The following ARHGAP32 variants were observed in gnomAD, a reference collection of about 807,000 sequenced individuals.
ARHGAP32 encodes rho GTPase-activating protein 32.
A neutral mutation model predicts 186.5 loss-of-function variants in ARHGAP32; 51 were observed. The ratio of observed to expected loss-of-function variants is 0.27; its 90% confidence interval spans 0.22 to 0.35. The LOEUF (loss-of-function observed/expected upper bound fraction) is 0.35. Among genes scored for constraint, ARHGAP32 ranks in the 10% least tolerant of loss-of-function variants. ARHGAP32 has a pLI of 1.00. For synonymous variants in ARHGAP32, 950 were observed against 964.3 expected (o/e 0.99, Z 0.27); for missense variants, 2,186 against 2,623.5 (o/e 0.83, Z 3.64).
intron 2 of ARHGAP32, among the ~76,000 whole-genome samples, chr11:129,159,584 C>A (rs894902879): frequency 3.3e-5 from 5 of 151,760 alleles, no homozygotes; most frequent in Non-Finnish European, 5.9e-5. Context: ...TAATAGCCTA[C>A]CTACCAAAAA....
intron 1 of ARHGAP32, among the ~76,000 whole-genome samples, chr11:129,191,312 T>TTA: frequency 6.6e-6 from 1 of 151,948 alleles, no homozygotes; most frequent in East Asian, 1.9e-4. Flanking sequence ...AGGTATTACA[T>TTA]CGCTAACTCT....
chr11:129,190,527 C>T (rs1461063341), intron 1 of ARHGAP32, among the ~76,000 whole-genome samples: 1 of 152,200 alleles, frequency 6.6e-6, no homozygotes, highest in Non-Finnish European at 1.5e-5. Flanking sequence ...AGTGAAAATG[C>T]TGTCACATAC....
At chr11:129,157,260 G>A (rs1943429798) in intron 2 of ARHGAP32, among the ~76,000 whole-genome samples, 1 of 152,032 alleles carries the variant, frequency 6.6e-6, no homozygotes. Flanking sequence ...GCTTCAGAAG[G>A]TGGGTAATAA....
In ARHGAP32 at chr11:129,123,369, G is replaced by T; in HGVS notation, c.444+77C>A. The T allele has an allele frequency of 1.7e-6, 2 of 1,194,930 alleles. No individual in the cohort carries two copies. The highest frequency in any genetic ancestry group is 1.3e-5 in the South Asian group (1 of 74,566). The allele number at this position is 1,194,930 out of a possible 1,614,324, so 74.0% of individuals were successfully genotyped here. The stretch of plus-strand genomic sequence containing the variant: ...TTCAAAGTGTCATCTATTAGATACA[G>T]ATATATAGATAAGCATCTAGATATA... On this transcript the variant is annotated intron_variant, in intron 5 of 22. Coordinates refer to ENST00000682385, the MANE Select transcript of ARHGAP32 (RefSeq NM_001378024.1). The surrounding 1 kb of genome is among the most constrained non-coding windows in gnomAD (Gnocchi z 4.6).
At chr11:129,235,360 G>C (rs6590369) in intron 1 of ARHGAP32, among the ~76,000 whole-genome samples, 1 of 151,778 alleles carries the variant, frequency 6.6e-6, no homozygotes, top group Non-Finnish European at 1.5e-5. Context: ...ACATTTACTG[G>C]GCTCCTCCCT....
chr11:128,988,799 T>G (rs1273061138), intron 12 of ARHGAP32, among the ~76,000 whole-genome samples: 1 of 152,214 alleles, frequency 6.6e-6, no homozygotes, highest in African/African-American at 2.4e-5. Context: ...GTTAGCTCTA[T>G]GAATATACAC....
In ARHGAP32 at chr11:128,986,059, T is replaced by A. The variant is rs1393375662; in HGVS notation, c.1470A>T (p.Glu490Asp). Reference protein sequence around the residue: ...FSDAVSAATDEERLIKIHDVI... With the variant: ...FSDAVSAATDDERLIKIHDVI... ...CATCGTGGATTTTTATCAGCCTTTCTTCATCTGTTGCTGCTGAAACTGCAT... is the reference window on the plus strand; with the variant it reads ...CATCGTGGATTTTTATCAGCCTTTCATCATCTGTTGCTGCTGAAACTGCAT... The change falls in exon 15 of 23, where the codon GAA becomes GAT. Residue 490 changes from glutamate to aspartate, a missense_variant. Around this residue, in one of 5 missense-constraint regions of ARHGAP32, gnomAD observed 308 missense variants for 596.5 expected, o/e 0.52. Coordinates refer to ENST00000682385, the MANE Select transcript of ARHGAP32 (RefSeq NM_001378024.1). The A allele has an allele frequency of 6.2e-7, 1 of 1,607,408 alleles. No individual in the cohort carries two copies. The highest frequency in any genetic ancestry group is 8.5e-7 in the Non-Finnish European group (1 of 1,178,022).
chr11:129,273,373 T>C (rs1298825905), intron 1 of ARHGAP32, among the ~76,000 whole-genome samples: 3 of 152,170 alleles, frequency 2.0e-5, no homozygotes, highest in Non-Finnish European at 4.4e-5. Context: ...CTATTCCTAC[T>C]TAATCTGGAG....
In ARHGAP32 at chr11:129,017,251, C is replaced by T. The variant is rs112535469; in HGVS notation, c.1046-18783G>A. ...CGGGCAGATCACAAGGTCAGGAGTT[C>T]GAGACCAGCCTGGCCAACATGGCGA... On this transcript the variant is annotated intron_variant, in intron 11 of 22. Transcript: ENST00000682385. Among the ~76,000 whole-genome samples the T allele has an allele frequency of 1.4e-4, 21 of 152,118 alleles. 1 individual carries two copies. The highest frequency in any genetic ancestry group is 4.8e-4 in the African/African-American group (20 of 41,526).
At chr11:129,055,749 G>C (rs1458645067) in intron 10 of ARHGAP32, among the ~76,000 whole-genome samples, 1 of 152,186 alleles carries the variant, frequency 6.6e-6, no homozygotes, top group Non-Finnish European at 1.5e-5. Context: ...AAAGATCACA[G>C]GTTGTGAAGG....
At chr11:129,180,761 A>T (rs189045227) in intron 1 of ARHGAP32, among the ~76,000 whole-genome samples, 130 of 152,276 alleles carry the variant, frequency 8.5e-4, no homozygotes, top group Non-Finnish European at 1.7e-3. Flanking sequence ...TGTATTTTTT[A>T]CCAGAGTTTT....
At chr11:129,025,004 TTTACATATTTTC>T (rs1938773063) in intron 11 of ARHGAP32, among the ~76,000 whole-genome samples, 2 of 152,168 alleles carry the variant, frequency 1.3e-5, no homozygotes, top group South Asian at 4.1e-4. Context: ...TTGGAAAATA[TTTACATATTTTC>T]CATTCCAATG....
At chr11:129,033,552 A>T (rs1939341) in intron 11 of ARHGAP32, among the ~76,000 whole-genome samples, 7 of 152,024 alleles carry the variant, frequency 4.6e-5, no homozygotes, top group Admixed American at 6.5e-5. Flanking sequence ...CCCACACTGT[A>T]ATCTGCCCTT....
At position 129,123,207 on chromosome 11, in the gene ARHGAP32, A is replaced by G. The variant is rs1323027622; in HGVS notation, c.444+239T>C. Among the ~76,000 whole-genome samples, 2 of 152,124 alleles carry G rather than the reference A, an allele frequency of 1.3e-5. No individual in the cohort carries two copies. Among genetic ancestry groups the G allele is most frequent in the Non-Finnish European group, 2.9e-5 (2 of 67,984 alleles). On this transcript the variant is annotated intron_variant, in intron 5 of 22. Coordinates refer to ENST00000682385, the MANE Select transcript of ARHGAP32 (RefSeq NM_001378024.1). This position sits in a 1 kb window ranked among gnomAD's most constrained non-coding sequence, Gnocchi z 4.6. ...ATGATACAGGAAAACGGAGGGGGACAGGACTGATTTTCCTTAACTGATACA... is the reference window on the plus strand; with the variant it reads ...ATGATACAGGAAAACGGAGGGGGACGGGACTGATTTTCCTTAACTGATACA...
intron 21 of ARHGAP32, 25 bp from the exon 22 acceptor site, chr11:128,973,457 T>C (rs778852675): frequency 1.2e-6 from 2 of 1,607,412 alleles, no homozygotes; most frequent in East Asian, 2.2e-5. Context: ...GGAAAAAAAA[T>C]GAGAGTGAAA....
chr11:129,174,164 C>A lies in ARHGAP32; in HGVS notation c.117-9737G>T, dbSNP rs1943842109. ...GGGTCAGGGAGTTCCCTTTCCTAGTCAAAGAAAGGGGTGACAGACGGCACC... is the reference window on the plus strand; with the variant it reads ...GGGTCAGGGAGTTCCCTTTCCTAGTAAAAGAAAGGGGTGACAGACGGCACC... On this transcript the variant is annotated intron_variant, in intron 1 of 22. Coordinates refer to ENST00000682385, the MANE Select transcript of ARHGAP32 (RefSeq NM_001378024.1). Among the ~76,000 whole-genome samples the A allele has an allele frequency of 2.0e-5, 3 of 152,192 alleles. No homozygotes were observed. In the South Asian group the frequency reaches 6.2e-4, roughly 31 times the overall value.
At chr11:129,052,341 C>T (rs1380970652) in intron 10 of ARHGAP32, among the ~76,000 whole-genome samples, 1 of 152,176 alleles carries the variant, frequency 6.6e-6, no homozygotes, top group Non-Finnish European at 1.5e-5. Flanking sequence ...AGTGTTAGTT[C>T]TCCAACTTTG....
intron 5 of ARHGAP32, among the ~76,000 whole-genome samples, chr11:129,109,437 T>C (rs1942143696): frequency 6.6e-6 from 1 of 152,084 alleles, no homozygotes. Flanking sequence ...TAGATACATA[T>C]GCAGTAGTGT....
At chr11:129,029,525 C>T (rs547470063) in intron 11 of ARHGAP32, among the ~76,000 whole-genome samples, 2 of 152,154 alleles carry the variant, frequency 1.3e-5, no homozygotes, top group South Asian at 4.2e-4. Flanking sequence ...GGGTAGGGGC[C>T]GGGCACGGTG....
Sources: gnomAD v4.1 joint callset for allele counts (sites outside exome capture counted in the v4.1 genomes callset) on GRCh38, gnomAD v4.1.1 for gene constraint, gnomAD v4.1.1 regional missense constraint, Gnocchi (gnomAD v3.1) non-coding constraint, MANE v1.5 for transcripts, NCBI Gene and HGNC (gene_info 2026-07-23, HGNC 2026-07-21) for gene names.